The following PREX1 variants were observed in gnomAD, a reference collection of about 807,000 sequenced individuals.
PREX1 encodes phosphatidylinositol-3,4,5-trisphosphate dependent Rac exchange factor 1, also known as phosphatidylinositol 3,4,5-trisphosphate-dependent Rac exchanger 1 protein.
In PREX1, 41 loss-of-function variants were observed where a neutral mutation model predicts 198.3. The observed-to-expected ratio is 0.21, with a 90% confidence interval of 0.16 to 0.27. The LOEUF is 0.27. PREX1 is among the 10% of genes least tolerant of loss of function. The pLI is 1.00. For missense variants in PREX1, 1,620 were observed against 2,200.7 expected (o/e 0.74, Z 5.28); for synonymous variants, 843 against 887.2 (o/e 0.95, Z 0.89).
chr20:48,817,831 A>G (rs2090465392), intron 1 of PREX1, among the ~76,000 whole-genome samples: 1 of 152,228 alleles, frequency 6.6e-6, no homozygotes, highest in Non-Finnish European at 1.5e-5. Flanking sequence ...AAAATACTTA[A>G]TGAGCATCTA....
chr20:48,817,539 G>A (rs2067511785), intron 1 of PREX1, among the ~76,000 whole-genome samples: 1 of 152,228 alleles, frequency 6.6e-6, no homozygotes, highest in African/African-American at 2.4e-5. Context: ...AAGGTTCAGA[G>A]AGGGAAAGCT....
At chr20:48,856,526 T>C in the PREX1 span, among the ~76,000 whole-genome samples, 1 of 152,216 alleles carries the variant, frequency 6.6e-6, no homozygotes, top group Non-Finnish European at 1.5e-5. Context: ...CAAGGCCACG[T>C]TGCAAGTTCC....
At chr20:48,631,042 C>T (rs2089310587) in intron 35 of PREX1, among the ~76,000 whole-genome samples, 1 of 152,152 alleles carries the variant, frequency 6.6e-6, no homozygotes, top group African/African-American at 2.4e-5. Context: ...CCACAGCAGC[C>T]CCCAGCCCTC....
At chr20:48,694,877 G>A (rs189725904) in intron 7 of PREX1, among the ~76,000 whole-genome samples, 194 of 152,288 alleles carry the variant, frequency 1.3e-3, no homozygotes, top group African/African-American at 4.5e-3. Flanking sequence ...TGTGTCTGCC[G>A]GTGGAGAAGG....
At chr20:48,869,745 C>T in the PREX1 span, among the ~76,000 whole-genome samples, 9 of 152,168 alleles carry the variant, frequency 5.9e-5, no homozygotes, top group African/African-American at 2.2e-4. Context: ...AACACAGGAA[C>T]AGAAAACCAA....
At chr20:48,730,237 A>G (rs1329577509) in intron 4 of PREX1, among the ~76,000 whole-genome samples, 3 of 133,700 alleles carry the variant, frequency 2.2e-5, no homozygotes, top group Non-Finnish European at 4.8e-5. Context: ...CCCAGATACT[A>G]AAGGGGGGCC....
intron 14 of PREX1, among the ~76,000 whole-genome samples, chr20:48,675,476 G>A (rs913894254): frequency 6.6e-6 from 1 of 152,196 alleles, no homozygotes; most frequent in Non-Finnish European, 1.5e-5. Flanking sequence ...CTACAACATG[G>A]ATGAGGCTTT....
chr20:48,634,636 AC>A (rs2122831698), intron 33 of PREX1, 39 bp downstream of exon 33: 1 of 1,584,774 alleles, frequency 6.3e-7, no homozygotes, highest in South Asian at 1.1e-5. Flanking sequence ...CCACCCCAGG[AC>A]CCCACCTCTC....
chr20:48,779,256 T>C (rs2090277503), intron 1 of PREX1, among the ~76,000 whole-genome samples: 1 of 152,252 alleles, frequency 6.6e-6, no homozygotes, highest in South Asian at 2.1e-4. Context: ...GCAGCATCAT[T>C]AGCGATTAGG....
At chr20:48,720,755 C>T (rs563426393) in intron 5 of PREX1, among the ~76,000 whole-genome samples, 7 of 152,090 alleles carry the variant, frequency 4.6e-5, no homozygotes, top group African/African-American at 1.7e-4. Flanking sequence ...GGCAATGGAC[C>T]TCACTCAGTC....
chr20:48,639,766 C>T lies in PREX1; in HGVS notation c.3904G>A (p.Asp1302Asn). ...TGATGCACCCTCCCTGCCCACCGAC[C>T]TTCCACATATCTCTGAATGTTGTCC... ...LVDNIQRYVE[D>N]GKNQLLLALL... The change falls in exon 30 of 40, where the codon GAT (aspartate) becomes AAT (asparagine). Residue 1302 changes from aspartate (D) to asparagine (N), a missense_variant and splice_region_variant. Asp to Asn is a conservative substitution (Grantham distance 23). This residue lies in a region of PREX1 where 476 missense variants were observed against 603.4 expected (regional missense o/e 0.79). Coordinates refer to ENST00000371941, the MANE Select transcript of PREX1 (RefSeq NM_020820.4). 6.2e-7 allele frequency: 1 copy of T among 1,613,894 alleles called. No individual in the cohort carries two copies. Among genetic ancestry groups the T allele is most frequent in the Non-Finnish European group, 8.5e-7 (1 of 1,179,892 alleles).
chr20:48,808,757 T>C (rs1679480768), intron 1 of PREX1, among the ~76,000 whole-genome samples: 1 of 152,196 alleles, frequency 6.6e-6, no homozygotes, highest in South Asian at 2.1e-4. Context: ...TGACTTGACC[T>C]CCCATTGCTC....
At chr20:48,880,681 A>G in the PREX1 span, among the ~76,000 whole-genome samples, 7 of 152,308 alleles carry the variant, frequency 4.6e-5, no homozygotes, top group Admixed American at 4.6e-4. Context: ...CCTAGCTACA[A>G]AGGAGGCTGA....
chr20:48,847,371 A>AAAAACAAAAAAAAAAAAC, the PREX1 span, among the ~76,000 whole-genome samples: 1 of 149,394 alleles, frequency 6.7e-6, no homozygotes, highest in African/African-American at 2.5e-5. Flanking sequence ...TTATAAAAAA[A>AAAAACAAAAAAAAAAAAC]AAAAAAAAAA....
Position 48,726,342 on chromosome 20 carries a change from C to G in PREX1, c.569G>C (p.Gly190Ala). The change falls in exon 5 of 40, where the codon GGC (glycine) becomes GCC (alanine). Residue 190 changes from glycine (G) to alanine (A), a missense_variant. This residue lies in a region of PREX1 where 488 missense variants were observed against 802.5 expected (regional missense o/e 0.61). Transcript: ENST00000371941. ...GRKTTDIPLE[G>A]YLLSPIQRIC... ...CCTCTGGATCGGAGACAACAGGTAG[C>G]CTTCCAAAGGGATGTCCGTGGTCTT... 1 of 1,613,940 alleles carries G rather than the reference C, an allele frequency of 6.2e-7. No homozygotes were observed. Among genetic ancestry groups the G allele is most frequent in the Non-Finnish European group, 8.5e-7 (1 of 1,179,968 alleles).
intron 1 of PREX1, among the ~76,000 whole-genome samples, chr20:48,761,740 G>A (rs2090181413): frequency 6.6e-6 from 1 of 152,154 alleles, no homozygotes; most frequent in South Asian, 2.1e-4. Flanking sequence ...TCCTTCAACA[G>A]ATATTTATGC....
At chr20:48,664,517 G>C (rs1311827342) in intron 15 of PREX1, among the ~76,000 whole-genome samples, 1 of 152,228 alleles carries the variant, frequency 6.6e-6, no homozygotes, top group East Asian at 1.9e-4. Context: ...GGATGAGGCA[G>C]GCAGGGCACC....
At chr20:48,766,543 A>G (rs572693986) in intron 1 of PREX1, among the ~76,000 whole-genome samples, 4 of 152,172 alleles carry the variant, frequency 2.6e-5, no homozygotes, top group Non-Finnish European at 5.9e-5. Context: ...CCCAGGCCTC[A>G]GCACAGGTGC....
At chr20:48,803,648 G>A (rs137970362) in intron 1 of PREX1, among the ~76,000 whole-genome samples, 127 of 152,248 alleles carry the variant, frequency 8.3e-4, no homozygotes, top group African/African-American at 2.7e-3. Context: ...GCAGCTTCCC[G>A]AGGTCTGATA....
Sources: gnomAD v4.1 joint callset for allele counts (sites outside exome capture counted in the v4.1 genomes callset) on GRCh38, gnomAD v4.1.1 for gene constraint, gnomAD v4.1.1 regional missense constraint, MANE v1.5 for transcripts, NCBI Gene and HGNC (gene_info 2026-07-23, HGNC 2026-07-21) for gene names.